FUT8: variants seen among roughly 807,000 people sequenced by gnomAD.
FUT8 encodes the protein fucosyltransferase 8.
A neutral mutation model predicts 71.3 loss-of-function variants in FUT8; 29 were observed. That is an observed-to-expected ratio of 0.41 (90% CI 0.30 to 0.55). The LOEUF (loss-of-function observed/expected upper bound fraction) is 0.55, where lower values mean the gene tolerates loss of function less well. FUT8 is among the 20% of genes least tolerant of loss of function. FUT8 has a pLI of 0.34. For missense variants in FUT8, 544 were observed against 702.1 expected (o/e 0.77, Z 2.55); for synonymous variants, 254 against 239.3 (o/e 1.06, Z -0.57).
intron 2 of FUT8, among the ~76,000 whole-genome samples, chr14:65,481,661 A>C (rs1260238575): frequency 3.9e-5 from 6 of 152,102 alleles, no homozygotes; most frequent in Non-Finnish European, 8.8e-5. Context: ...GCTTTTGGTC[A>C]CTATAAATTT....
At chr14:65,494,356 A>G (rs1443417236) in intron 2 of FUT8, among the ~76,000 whole-genome samples, 2 of 152,186 alleles carry the variant, frequency 1.3e-5, no homozygotes, top group Admixed American at 6.6e-5. Flanking sequence ...CACATTTCAT[A>G]TGGCTACATT....
At chr14:65,389,335 A>T in the FUT8 span, among the ~76,000 whole-genome samples, 1 of 151,208 alleles carries the variant, frequency 6.6e-6, no homozygotes, top group Non-Finnish European at 1.5e-5. Flanking sequence ...TCAGCCTCCC[A>T]AGTAGCTGGG....
intron 2 of FUT8, among the ~76,000 whole-genome samples, chr14:65,498,916 A>G (rs1855135908): frequency 6.6e-6 from 1 of 152,228 alleles, no homozygotes; most frequent in African/African-American, 2.4e-5. Context: ...GTGAAAAATA[A>G]TTATAGCCTC....
chr14:65,432,106 TTCC>T, intron 1 of FUT8, among the ~76,000 whole-genome samples: 1 of 152,322 alleles, frequency 6.6e-6, no homozygotes, highest in East Asian at 1.9e-4. Context: ...TGAACCACTT[TTCC>T]TCCTCCCTTC....
At position 65,742,175 on chromosome 14, in the gene FUT8, A is replaced by G; in HGVS notation, c.1493A>G (p.Tyr498Cys). 1.2e-6 allele frequency: 2 copies of G among 1,613,146 alleles called. No individual in the cohort carries two copies. The highest frequency in any genetic ancestry group is 1.1e-5 in the South Asian group (1 of 91,058). The part of the protein sequence containing the change: ...ANFHSLDDIY[Y>C]FGGQNAHNQI... ...TTCCATTCTTTAGATGACATCTACT[A>G]TTTTGGGGGCCAGAATGCCCACAAT... The change falls in exon 11 of 11, where the codon TAT becomes TGT. Residue 498 changes from tyrosine to cysteine, a missense_variant. Coordinates refer to ENST00000673929, the MANE Select transcript of FUT8 (RefSeq NM_001371533.1).
chr14:65,650,354 AG>A (rs553400306), intron 6 of FUT8, among the ~76,000 whole-genome samples: 470 of 150,800 alleles, frequency 3.1e-3, no homozygotes, highest in African/African-American at 0.011. Context: ...TTATAAAGAA[AG>A]GAGGCCTAAT....
intron 3 of FUT8, among the ~76,000 whole-genome samples, chr14:65,597,343 A>C (rs1417553714): frequency 6.6e-6 from 1 of 152,140 alleles, no homozygotes; most frequent in Non-Finnish European, 1.5e-5. Context: ...TATCCACACT[A>C]TCAGGCCGGG....
chr14:65,366,002 T>G, the FUT8 span, among the ~76,000 whole-genome samples: 6 of 152,120 alleles, frequency 3.9e-5, no homozygotes, highest in Non-Finnish European at 2.9e-5. Context: ...CATGCCCAGA[T>G]AGTTTTTGTA....
At chr14:65,659,995 A>G (rs1891882233) in intron 6 of FUT8, among the ~76,000 whole-genome samples, 1 of 152,160 alleles carries the variant, frequency 6.6e-6, no homozygotes, top group Non-Finnish European at 1.5e-5. Flanking sequence ...GCTTGAGAAG[A>G]TACATTTTCT....
the FUT8 span, among the ~76,000 whole-genome samples, chr14:65,403,887 T>C: frequency 4.7e-4 from 71 of 152,174 alleles, no homozygotes; most frequent in African/African-American, 1.6e-3. Flanking sequence ...CCTTTCTAGA[T>C]TTGTTTCTTT....
At chr14:65,606,355 G>T (rs1196870501) in intron 3 of FUT8, among the ~76,000 whole-genome samples, 3 of 151,730 alleles carry the variant, frequency 2.0e-5, no homozygotes, top group African/African-American at 7.2e-5. Context: ...GGGATTACAG[G>T]CATAAGCCAC....
At chr14:65,518,963 G>A (rs946240203) in intron 2 of FUT8, among the ~76,000 whole-genome samples, 2 of 152,228 alleles carry the variant, frequency 1.3e-5, no homozygotes, top group Admixed American at 6.5e-5. Flanking sequence ...GAACAAGGAT[G>A]GCCATCTATT....
At chr14:65,715,108 T>C (rs1894986869) in intron 7 of FUT8, among the ~76,000 whole-genome samples, 1 of 152,224 alleles carries the variant, frequency 6.6e-6, no homozygotes, top group Admixed American at 6.5e-5. Context: ...GAACTTCCAG[T>C]ACTGTGTTGA....
At chr14:65,713,790 C>T (rs1894921373) in intron 7 of FUT8, among the ~76,000 whole-genome samples, 2 of 152,154 alleles carry the variant, frequency 1.3e-5, no homozygotes, top group Non-Finnish European at 2.9e-5. Context: ...TCTCTTGTCA[C>T]ATGGGTAGTT....
At chr14:65,654,353 C>T (rs367584142) in intron 6 of FUT8, among the ~76,000 whole-genome samples, 11 of 152,282 alleles carry the variant, frequency 7.2e-5, no homozygotes, top group African/African-American at 2.6e-4. Flanking sequence ...CTCTGGAAGG[C>T]CAAGGCAGGC....
At chr14:65,493,430 G>C (rs1344679116) in intron 2 of FUT8, among the ~76,000 whole-genome samples, 1 of 152,052 alleles carries the variant, frequency 6.6e-6, no homozygotes, top group Non-Finnish European at 1.5e-5. Context: ...AGAACCTGTT[G>C]ATGGGGAAGC....
intron 7 of FUT8, among the ~76,000 whole-genome samples, chr14:65,693,513 G>T (rs1893823478): frequency 6.6e-6 from 1 of 152,196 alleles, no homozygotes; most frequent in Non-Finnish European, 1.5e-5. Context: ...TGGAAAGAGA[G>T]GGAGAGGGAG....
chr14:65,672,991 T>A (rs1429615981), intron 7 of FUT8, among the ~76,000 whole-genome samples: 1 of 152,222 alleles, frequency 6.6e-6, no homozygotes, highest in Non-Finnish European at 1.5e-5. Flanking sequence ...TTTCCTTCTC[T>A]TGTCTTTTTC....
At chr14:65,610,041 A>G (rs375864700) in intron 3 of FUT8, among the ~76,000 whole-genome samples, 6 of 152,076 alleles carry the variant, frequency 3.9e-5, no homozygotes. Flanking sequence ...AGAAATGTAG[A>G]ATATAGAAAT....
Sources: allele counts gnomAD v4.1 joint callset (sites outside exome capture counted in the v4.1 genomes callset), GRCh38; gene constraint gnomAD v4.1.1; transcripts MANE v1.5; gene names NCBI Gene and HGNC (gene_info 2026-07-23, HGNC 2026-07-21).